FOCAD: variants seen among roughly 807,000 people sequenced by gnomAD.
FOCAD encodes focadhesin.
Under a neutral mutation model 225.6 loss-of-function variants are expected in FOCAD, and 198 were observed. The observed-to-expected ratio is 0.88, with a 90% CI of 0.78 to 0.99. The LOEUF (loss-of-function observed/expected upper bound fraction) is 0.99, where lower values mean the gene tolerates loss of function less well. Among genes scored for constraint, FOCAD ranks in the 50% least tolerant of loss-of-function variants. The pLI is 0.00. For missense variants in FOCAD, 2,713 were observed against 2,123.6 expected (o/e 1.28, Z -5.46); for synonymous variants, 897 against 755.0 (o/e 1.19, Z -3.08).
chr9:20,837,134 C>A (rs1587356182), intron 15 of FOCAD, among the ~76,000 whole-genome samples: 1 of 152,150 alleles, frequency 6.6e-6, no homozygotes, highest in East Asian at 1.9e-4. Flanking sequence ...ATCTCCATTG[C>A]CCCCGTGCTT....
chr9:20,954,001 C>A (rs2132399525), intron 35 of FOCAD, among the ~76,000 whole-genome samples: 1 of 152,248 alleles, frequency 6.6e-6, no homozygotes, highest in East Asian at 1.9e-4. Context: ...TCTGATTTCC[C>A]ACTGGGTACA....
At chr9:20,783,319 G>A (rs1259134744) in intron 10 of FOCAD, among the ~76,000 whole-genome samples, 1 of 152,062 alleles carries the variant, frequency 6.6e-6, no homozygotes, top group Admixed American at 6.6e-5. Flanking sequence ...GTTGCTTTAA[G>A]GAGGCTTTGA....
rs1406346146 is a variant in FOCAD at position 20,767,247 on chromosome 9, C to G, written c.699+2174C>G. Among the ~76,000 whole-genome samples the G allele has an allele frequency of 2.4e-3, 357 of 151,164 alleles. 2 individuals are homozygous for G. Among genetic ancestry groups the G allele is most frequent in the African/African-American group, 8.5e-3 (350 of 41,106 alleles). ...CATTTTTGGACATTTGGGTTGGTTC[C>G]AAGTCTTTGCTATTGTGAATAATGC... On this transcript the variant is annotated intron_variant, in intron 7 of 43. Coordinates refer to ENST00000338382, the MANE Select transcript of FOCAD (RefSeq NM_001375567.1).
intron 28 of FOCAD, among the ~76,000 whole-genome samples, chr9:20,935,714 A>G (rs1193437924): frequency 6.6e-6 from 1 of 152,102 alleles, no homozygotes; most frequent in Non-Finnish European, 1.5e-5. Context: ...AATCTTTTTA[A>G]AGATTTGTTG....
chr9:20,699,953 C>A lies in FOCAD; in HGVS notation c.-32-15369C>A, dbSNP rs1823805627. The stretch of plus-strand genomic sequence containing the variant: ...CTGTCAATTGGATGTCAGCATTTCA[C>A]CCCAAGATCCTCTTCTGATTCTTGA... On this transcript the variant is annotated intron_variant, in intron 1 of 43. Coordinates refer to ENST00000338382, the MANE Select transcript of FOCAD (RefSeq NM_001375567.1). Among the ~76,000 whole-genome samples, 3 of 151,144 alleles carry A rather than the reference C, an allele frequency of 2.0e-5. No individual in the cohort carries two copies. In the South Asian group the frequency reaches 6.3e-4, roughly 32 times the overall value.
intron 15 of FOCAD, among the ~76,000 whole-genome samples, chr9:20,852,768 C>T (rs78211962): frequency 0.044 from 6,692 of 151,742 alleles, 184 homozygotes; most frequent in Non-Finnish European, 0.068. Context: ...TTCTACAGTA[C>T]ACTTACAGCC....
chr9:20,687,220 A>G (rs370332646), intron 1 of FOCAD, among the ~76,000 whole-genome samples: 3 of 152,324 alleles, frequency 2.0e-5, no homozygotes, highest in African/African-American at 7.2e-5. Flanking sequence ...TCCAACTTGC[A>G]TAGATAGTCA....
At chr9:20,905,577 G>T (rs1275540372) in intron 21 of FOCAD, among the ~76,000 whole-genome samples, 1 of 151,914 alleles carries the variant, frequency 6.6e-6, no homozygotes, top group Non-Finnish European at 1.5e-5. Flanking sequence ...TATTGTTTCT[G>T]TTAAATCCAG....
intron 4 of FOCAD, chr9:20,726,310 G>A (rs559702419): frequency 3.3e-5 from 5 of 152,214 alleles, no homozygotes; most frequent in Non-Finnish European, 7.4e-5. Flanking sequence ...CTTAGTAACA[G>A]GATTGTGAAT....
At chr9:20,730,629 A>G (rs544846840) in intron 4 of FOCAD, among the ~76,000 whole-genome samples, 5 of 152,304 alleles carry the variant, frequency 3.3e-5, no homozygotes, top group South Asian at 2.1e-4. Flanking sequence ...TGATTTTCAT[A>G]TATAACAAGT....
chr9:20,665,736 A>G (rs1033520675), intron 2 of FOCAD, among the ~76,000 whole-genome samples: 1 of 152,190 alleles, frequency 6.6e-6, no homozygotes, highest in Non-Finnish European at 1.5e-5. Context: ...TAATTGAAAT[A>G]TATTATTTTA....
At chr9:20,921,726 T>G (rs1834452450) in intron 24 of FOCAD, among the ~76,000 whole-genome samples, 3 of 152,210 alleles carry the variant, frequency 2.0e-5, no homozygotes, top group Non-Finnish European at 1.5e-5. Context: ...TAAATAAATT[T>G]TTCTCCATTA....
At position 20,986,266 on chromosome 9, in the gene FOCAD, A is replaced by ATTTTCTTTTTTTTTTTTTTT; in HGVS notation, c.4729-18_4729-17insCTTTTTTTTTTTTTTTTTTT. On this transcript the variant is annotated intron_variant, in intron 39 of 43. Transcript: ENST00000338382. ...CAGTTAATTTAATAGTAACTAAACAATTTTTTTTTTTTTTTTTGCAGAGCA... is the reference window on the plus strand; with the variant it reads ...CAGTTAATTTAATAGTAACTAAACAATTTTCTTTTTTTTTTTTTTTTTTTTTTTTTTTTTTTTGCAGAGCA... 8.5e-6 allele frequency: 6 copies of ATTTTCTTTTTTTTTTTTTTT among 705,682 alleles called. 1 individual carries two copies. Among genetic ancestry groups the ATTTTCTTTTTTTTTTTTTTT allele is most frequent in the African/African-American group, 3.1e-5 (1 of 31,846 alleles). 43.7% of individuals were successfully genotyped at this position (705,682 alleles called of 1,614,324 possible).
intron 6 of FOCAD, among the ~76,000 whole-genome samples, chr9:20,761,521 C>T (rs771096005): frequency 7.9e-5 from 12 of 152,036 alleles, no homozygotes; most frequent in Admixed American, 2.0e-4. Context: ...CACGGGTTCA[C>T]GCCATTCTTC....
chr9:20,962,882 C>G (rs1471403983), intron 35 of FOCAD, among the ~76,000 whole-genome samples: 2 of 152,110 alleles, frequency 1.3e-5, no homozygotes, highest in Non-Finnish European at 2.9e-5. Flanking sequence ...GTTTGAAAGA[C>G]AAAGCATTAT....
At chr9:20,790,040 G>A (rs574079673) in intron 11 of FOCAD, among the ~76,000 whole-genome samples, 3 of 152,272 alleles carry the variant, frequency 2.0e-5, no homozygotes, top group Non-Finnish European at 4.4e-5. Context: ...ACTTCTTGCA[G>A]TTTGATACTA....
At chr9:20,979,324 C>T (rs766731611) in intron 37 of FOCAD, among the ~76,000 whole-genome samples, 2 of 152,004 alleles carry the variant, frequency 1.3e-5, no homozygotes, top group Admixed American at 6.6e-5. Flanking sequence ...TGTCCCTATT[C>T]AGCCTTGTTT....
chr9:20,742,811 G>C (rs1827740373), intron 5 of FOCAD, among the ~76,000 whole-genome samples: 2 of 152,132 alleles, frequency 1.3e-5, no homozygotes, highest in South Asian at 2.1e-4. Context: ...TTGCTGCAAG[G>C]TGTGAATAGG....
intron 39 of FOCAD, among the ~76,000 whole-genome samples, chr9:20,983,472 T>A (rs1028438179): frequency 1.3e-5 from 2 of 149,588 alleles, no homozygotes; most frequent in Non-Finnish European, 3.0e-5. Flanking sequence ...CTCGGGAGGC[T>A]GAGGCAGGAG....
Sources: gnomAD v4.1 joint callset for allele counts (sites outside exome capture counted in the v4.1 genomes callset) on GRCh38, gnomAD v4.1.1 for gene constraint, MANE v1.5 for transcripts, NCBI Gene and HGNC (gene_info 2026-07-23, HGNC 2026-07-21) for gene names.